Variants in MECOM observed in about 807,000 individuals in gnomAD.
MECOM encodes histone-lysine N-methyltransferase MECOM.
MECOM carries 13 observed loss-of-function variants against 116.3 expected under a neutral mutation model. The ratio of observed to expected loss-of-function variants is 0.11; its 90% CI spans 0.07 to 0.18. The LOEUF (loss-of-function observed/expected upper bound fraction) is 0.18, where lower values mean the gene tolerates loss of function less well. Ranked by LOEUF, MECOM falls within the 10% of genes least tolerant of loss-of-function variation. MECOM has a pLI of 1.00. For synonymous variants in MECOM, 528 were observed against 535.2 expected (o/e 0.99, Z 0.19); for missense variants, 1,299 against 1,509.0 (o/e 0.86, Z 2.31).
intron 2 of MECOM, among the ~76,000 whole-genome samples, chr3:169,377,181 G>A (rs1440963760): frequency 1.3e-5 from 2 of 152,146 alleles, no homozygotes; most frequent in African/African-American, 4.8e-5. Flanking sequence ...ATTAACTCAA[G>A]ATGGATTAAG....
intron 10 of MECOM, among the ~76,000 whole-genome samples, chr3:169,107,700 A>T (rs1725888653): frequency 6.6e-6 from 1 of 152,220 alleles, no homozygotes; most frequent in Admixed American, 6.5e-5. Flanking sequence ...GGAATGCATC[A>T]GATTTATCGA....
At chr3:169,406,033 G>A (rs1246659188) in intron 1 of MECOM, among the ~76,000 whole-genome samples, 1 of 152,050 alleles carries the variant, frequency 6.6e-6, no homozygotes, top group African/African-American at 2.4e-5. Context: ...GCCATGGTTA[G>A]GTAACACCAC....
At chr3:169,219,448 A>T (rs1751837478) in intron 2 of MECOM, among the ~76,000 whole-genome samples, 1 of 152,184 alleles carries the variant, frequency 6.6e-6, no homozygotes, top group Non-Finnish European at 1.5e-5. Flanking sequence ...CGGAGCTTGC[A>T]GTGAGCCAAG....
intron 1 of MECOM, among the ~76,000 whole-genome samples, chr3:169,467,793 TACA>T (rs1250789578): frequency 1.3e-5 from 2 of 152,160 alleles, no homozygotes; most frequent in Non-Finnish European, 1.5e-5. Context: ...TTTCACCGGC[TACA>T]ACAAGACCTG....
At chr3:169,118,432 TAC>T (rs1729884733) in intron 7 of MECOM, among the ~76,000 whole-genome samples, 1 of 152,176 alleles carries the variant, frequency 6.6e-6, no homozygotes, top group African/African-American at 2.4e-5. Flanking sequence ...AATTTAACCA[TAC>T]ACCATAAATA....
At chr3:169,245,742 G>C (rs975970903) in intron 2 of MECOM, among the ~76,000 whole-genome samples, 1 of 152,086 alleles carries the variant, frequency 6.6e-6, no homozygotes, top group Non-Finnish European at 1.5e-5. Flanking sequence ...CAAATTCTAC[G>C]CAGTACAGAG....
At chr3:169,522,636 C>T (rs892841558) in intron 1 of MECOM, among the ~76,000 whole-genome samples, 2 of 152,004 alleles carry the variant, frequency 1.3e-5, no homozygotes, top group African/African-American at 2.4e-5. Flanking sequence ...TAGTCCTGGG[C>T]ATTTAGAAAA....
At chr3:169,087,449 T>C (rs1718169510) in intron 16 of MECOM, among the ~76,000 whole-genome samples, 2 of 151,844 alleles carry the variant, frequency 1.3e-5, no homozygotes, top group Admixed American at 6.6e-5. Context: ...ATTGAAAAAT[T>C]AGCCTGGCAT....
Position 169,381,167 on chromosome 3 carries a change from A to G in MECOM, c.375+20T>C. 1 of 1,573,098 alleles carries G rather than the reference A, an allele frequency of 6.4e-7. No individual in the cohort carries two copies. The highest frequency in any genetic ancestry group is 8.7e-7 in the Non-Finnish European group (1 of 1,153,528). On this transcript the variant is annotated intron_variant, in intron 2 of 16. Transcript: ENST00000651503. ...CACAGCTGCAATATATAAATGTGTT[A>G]ACTCAAAATACATTCTTACCTCCCA... is the stretch of plus-strand genomic sequence containing the variant.
chr3:169,590,478 G>A (rs1766278356), intron 1 of MECOM, among the ~76,000 whole-genome samples: 1 of 152,140 alleles, frequency 6.6e-6, no homozygotes, highest in Non-Finnish European at 1.5e-5. Context: ...GGTTGTCAGA[G>A]GCCAATTTGT....
At chr3:169,517,878 T>G (rs1756839277) in intron 1 of MECOM, among the ~76,000 whole-genome samples, 1 of 152,238 alleles carries the variant, frequency 6.6e-6, no homozygotes, top group African/African-American at 2.4e-5. Flanking sequence ...AAATAGCATT[T>G]GCACTCAAGG....
intron 2 of MECOM, among the ~76,000 whole-genome samples, chr3:169,315,599 A>G (rs917492206): frequency 6.6e-6 from 1 of 152,160 alleles, no homozygotes; most frequent in Non-Finnish European, 1.5e-5. Flanking sequence ...TGTATGTAAC[A>G]AGAATAATAA....
intron 1 of MECOM, among the ~76,000 whole-genome samples, chr3:169,424,560 G>C (rs1464056480): frequency 6.6e-6 from 1 of 152,138 alleles, no homozygotes; most frequent in Non-Finnish European, 1.5e-5. Context: ...GAAGATGGTT[G>C]TTCTTCTGAA....
chr3:169,240,270 G>A (rs983753535), intron 2 of MECOM, among the ~76,000 whole-genome samples: 1 of 152,138 alleles, frequency 6.6e-6, no homozygotes, highest in Non-Finnish European at 1.5e-5. Flanking sequence ...AAAAGAGTAT[G>A]AATCCCCTGA....
chr3:169,623,555 C>T lies in MECOM; in HGVS notation c.37+39781G>A, dbSNP rs115264340. On this transcript the variant is annotated intron_variant, in intron 1 of 16. Coordinates refer to ENST00000651503, the MANE Select transcript of MECOM (RefSeq NM_004991.4). ...CTATGGCCATACCACTGTCTACAGCCGTACCATCCTGAACATGCCCAATCT... is the reference window on the plus strand; with the variant it reads ...CTATGGCCATACCACTGTCTACAGCTGTACCATCCTGAACATGCCCAATCT... 6.9e-3 allele frequency among the ~76,000 whole-genome samples: 1,045 copies of T among 152,118 alleles called. 15 individuals carry two copies. Among genetic ancestry groups the T allele is most frequent in the African/African-American group, 0.025 (1,017 of 41,486 alleles).
chr3:169,577,895 G>A (rs58501096), intron 1 of MECOM, among the ~76,000 whole-genome samples: 34,927 of 152,054 alleles, frequency 0.23, 4,302 homozygotes, highest in Non-Finnish European at 0.28. Flanking sequence ...GATAGCCTTA[G>A]TTGGAGAAAA....
intron 2 of MECOM, among the ~76,000 whole-genome samples, chr3:169,179,092 CA>C (rs1266418248): frequency 3.3e-5 from 5 of 152,024 alleles, no homozygotes; most frequent in Non-Finnish European, 5.9e-5. Context: ...ACTTGAAAGG[CA>C]AAAAAATTAT....
chr3:169,122,558 G>A, intron 6 of MECOM, 22 bp downstream of exon 6: 1 of 1,613,708 alleles, frequency 6.2e-7, no homozygotes, highest in Non-Finnish European at 8.5e-7. Flanking sequence ...GAGAGGCCAA[G>A]TAGCCTACAA....
intron 2 of MECOM, among the ~76,000 whole-genome samples, chr3:169,288,372 T>C (rs1214430858): frequency 1.3e-5 from 2 of 152,210 alleles, no homozygotes; most frequent in African/African-American, 2.4e-5. Context: ...TTCTTCTTTA[T>C]TCTCCAAAAC....
Sources: gnomAD v4.1 joint callset for allele counts (sites outside exome capture counted in the v4.1 genomes callset) on GRCh38, gnomAD v4.1.1 for gene constraint, MANE v1.5 for transcripts, NCBI Gene and HGNC (gene_info 2026-07-23, HGNC 2026-07-21) for gene names.